The following CARD6 variants were observed in gnomAD, a reference collection of about 807,000 sequenced individuals.
CARD6 encodes the protein caspase recruitment domain-containing protein 6.
In CARD6, 27 loss-of-function variants were observed where a neutral mutation model predicts 23.6. That is an observed-to-expected ratio of 1.14 (90% CI 0.84 to 1.58). The LOEUF is 1.58. Ranked by LOEUF, CARD6 falls within the 40% of genes most tolerant of loss-of-function variation. The pLI, the probability that CARD6 is intolerant of heterozygous loss-of-function variation, is 0.00. For synonymous variants in CARD6, 397 were observed against 431.8 expected, an observed-to-expected ratio of 0.92 and a Z score of 1.00; for missense variants, 1,214 against 1,209.9, an observed-to-expected ratio of 1.00 and a Z score of -0.05.
intron 2 of CARD6, among the ~76,000 whole-genome samples, chr5:40,844,058 C>T (rs2112168143): frequency 6.6e-6 from 1 of 152,150 alleles, no homozygotes; most frequent in South Asian, 2.1e-4. Context: ...CAGGTTAAAC[C>T]ACTTTAGTTA....
In CARD6 at chr5:40,841,678, T is replaced by C. The variant is rs201139084; in HGVS notation, c.283+13T>C. 31 of 1,600,744 alleles carry C rather than the reference T, an allele frequency of 1.9e-5. No individual in the cohort carries two copies. Among genetic ancestry groups the C allele is most frequent in the Non-Finnish European group, 2.4e-5 (28 of 1,172,378 alleles). ...GGCTTAAGGCATGGTAAGTTGACTT[T>C]GTATACTTTTTGGGGTGAGAGGAAG... On this transcript the variant is annotated intron_variant, in intron 1 of 2. Coordinates refer to ENST00000254691, the MANE Select transcript of CARD6 (RefSeq NM_032587.4).
At chr5:40,850,273 G>T (rs1490980426) in intron 2 of CARD6, among the ~76,000 whole-genome samples, 1 of 151,686 alleles carries the variant, frequency 6.6e-6, no homozygotes, top group African/African-American at 2.4e-5. Flanking sequence ...AATTAGCCAG[G>T]TGTGGTGGCA....
Position 40,853,742 on chromosome 5 carries a change from A to C in CARD6, c.2410A>C (p.Arg804=), listed in dbSNP as rs1561217092. The change falls in exon 3 of 3, where the codon AGA becomes CGA. Residue 804 remains arginine, a synonymous_variant. Coordinates refer to ENST00000254691, the MANE Select transcript of CARD6 (RefSeq NM_032587.4). ...YSGERFMKFS[R]VARGCHSNGT... The stretch of plus-strand genomic sequence containing the variant: ...AGGTGAAAGATTCATGAAATTTTCC[A>C]GAGTTGCTCGGGGATGTCACTCGAA... The C allele has an allele frequency of 3.1e-6, 5 of 1,614,218 alleles. No homozygotes were observed. The highest frequency in any genetic ancestry group is 4.2e-6 in the Non-Finnish European group (5 of 1,180,042).
intron 2 of CARD6, among the ~76,000 whole-genome samples, chr5:40,850,583 G>A (rs1746047107): frequency 6.7e-6 from 1 of 149,564 alleles, no homozygotes; most frequent in South Asian, 2.1e-4. Context: ...TTAGCTGGGT[G>A]TGACGGCGGG....
chr5:40,846,478 AC>A (rs932034680), intron 2 of CARD6, among the ~76,000 whole-genome samples: 2 of 152,110 alleles, frequency 1.3e-5, no homozygotes, highest in African/African-American at 4.8e-5. Flanking sequence ...GTAACAAAGT[AC>A]CACAAATGAG....
intron 2 of CARD6, among the ~76,000 whole-genome samples, chr5:40,851,910 G>A (rs562721084): frequency 1.3e-5 from 2 of 151,670 alleles, no homozygotes; most frequent in African/African-American, 2.4e-5. Context: ...TGGGAGTTTC[G>A]CTTGAGATCA....
chr5:40,854,716 G>A lies in CARD6; in HGVS notation c.*270G>A. Reference sequence around the variant, plus strand: ...AGTGATTCTCCTGCCTCAGCCTCTCGAGTAGCTGGGATTACAGGCATGCAC... The same window carrying A: ...AGTGATTCTCCTGCCTCAGCCTCTCAAGTAGCTGGGATTACAGGCATGCAC... On this transcript the variant is annotated 3_prime_UTR_variant, in exon 3 of 3. Transcript: ENST00000254691. 2.8e-6 allele frequency: 1 copy of A among 351,528 alleles called. No individual in the cohort carries two copies. Among genetic ancestry groups the A allele is most frequent in the East Asian group, 5.7e-5 (1 of 17,520 alleles). 21.8% of individuals were successfully genotyped at this position (351,528 alleles called of 1,614,324 possible).
Position 40,843,473 on chromosome 5 carries a change from AGC to A in CARD6, c.606_607del (p.Glu202AspfsTer3). The A allele has an allele frequency of 6.2e-7, 1 of 1,612,232 alleles. No individual in the cohort carries two copies. The highest frequency in any genetic ancestry group is 8.5e-7 in the Non-Finnish European group (1 of 1,179,494). ...ATAAAAGATGGACAGAGATATGAGG[AGC>A]TAGATGATTCTTTATACTTAGGAAA... On this transcript the variant is annotated frameshift_variant, in exon 2 of 3. Transcript: ENST00000254691. LOFTEE classifies it high-confidence loss of function.
rs761229656 is a variant in CARD6 at position 40,843,450 on chromosome 5, A to G, written c.582A>G (p.Ile194Met). The G allele has an allele frequency of 1.2e-6, 2 of 1,613,752 alleles. No individual in the cohort carries two copies. The highest frequency in any genetic ancestry group is 2.2e-5 in the East Asian group (1 of 44,880). The change falls in exon 2 of 3, where the codon ATA becomes ATG. Residue 194 changes from isoleucine (I) to methionine (M), a missense_variant. Transcript: ENST00000254691. ...GCEVPATITY[I>M]KDGQRYEELD... Reference sequence around the variant, plus strand: ...AAGTTCCAGCAACTATTACATATATAAAAGATGGACAGAGATATGAGGAGC... The same window carrying G: ...AAGTTCCAGCAACTATTACATATATGAAAGATGGACAGAGATATGAGGAGC...
rs188934 is a variant in CARD6, at chr5:40,852,349, G to A, written c.1017G>A (p.Thr339=). 26 of 1,613,972 alleles carry A rather than the reference G, an allele frequency of 1.6e-5. No individual in the cohort carries two copies. The African/African-American group carries it at 1.7e-4, about 11-fold the overall frequency. ...TGAAAGTTCAAGCACGAGATGTGACGGCTAGGGATTCAATCCTCAGTCACA... is the reference window on the plus strand; with the variant it reads ...TGAAAGTTCAAGCACGAGATGTGACAGCTAGGGATTCAATCCTCAGTCACA... ...FLMKVQARDV[T]ARDSILSHKV... The change falls in exon 3 of 3, where the codon ACG becomes ACA. Residue 339 remains threonine (T), a synonymous_variant. Transcript: ENST00000254691.
At chr5:40,841,783 A>G in intron 1 of CARD6, 118 bp downstream of exon 1, 1 of 863,350 alleles carries the variant, frequency 1.2e-6, no homozygotes, top group Non-Finnish European at 1.7e-6. Flanking sequence ...TCTGGAGATA[A>G]TTTTCATTGA....
At position 40,852,364 on chromosome 5, in the gene CARD6, C is replaced by T; in HGVS notation, c.1032C>T (p.Ile344=). The T allele has an allele frequency of 1.2e-6, 2 of 1,614,062 alleles. No individual in the cohort carries two copies. The highest frequency in any genetic ancestry group is 1.7e-6 in the Non-Finnish European group (2 of 1,180,000). The part of the protein sequence containing the change: ...QARDVTARDS[I]LSHKVLDEDS... The stretch of plus-strand genomic sequence containing the variant: ...GAGATGTGACGGCTAGGGATTCAAT[C>T]CTCAGTCACAAGGTTCTGGATGAAG... The change falls in exon 3 of 3, where the codon ATC becomes ATT. Residue 344 remains isoleucine, a synonymous_variant. Transcript: ENST00000254691.
chr5:40,846,404 A>C (rs182542837), intron 2 of CARD6, among the ~76,000 whole-genome samples: 1 of 152,168 alleles, frequency 6.6e-6, no homozygotes, highest in Admixed American at 6.5e-5. Flanking sequence ...AGGCCTTTTG[A>C]GTCTTAGCTT....
chr5:40,847,633 A>G (rs1745987874), intron 2 of CARD6, among the ~76,000 whole-genome samples: 2 of 152,092 alleles, frequency 1.3e-5, no homozygotes, highest in Non-Finnish European at 2.9e-5. Flanking sequence ...TTTGCCTTTA[A>G]CATGTTATGG....
chr5:40,854,772 T>C lies in CARD6; in HGVS notation c.*326T>C, dbSNP rs10050965. On this transcript the variant is annotated 3_prime_UTR_variant, in exon 3 of 3. Transcript: ENST00000254691. ...CACCCAGCTAATTTTGTATTTTTAG[T>C]AGAGGCAGGGTTTCTCCATGTTGGT... The C allele has an allele frequency of 0.018, 4,405 of 247,794 alleles. 211 individuals carry two copies. The highest frequency in any genetic ancestry group is 0.091 in the African/African-American group (4,068 of 44,766). The allele number at this position is 247,794 out of a possible 1,614,324, so 15.3% of individuals were successfully genotyped here.
chr5:40,844,728 G>A (rs1290870932), intron 2 of CARD6, among the ~76,000 whole-genome samples: 1 of 152,116 alleles, frequency 6.6e-6, no homozygotes, highest in Non-Finnish European at 1.5e-5. Flanking sequence ...ATCACACCTT[G>A]TATCAGTTTG....
intron 1 of CARD6, among the ~76,000 whole-genome samples, chr5:40,842,049 A>G (rs1745872557): frequency 6.6e-6 from 1 of 152,246 alleles, no homozygotes; most frequent in South Asian, 2.1e-4. Context: ...CAAGACCACA[A>G]GCTGTATCTT....
rs777972474 is a variant in CARD6 at position 40,852,176 on chromosome 5, A to G, written c.844A>G (p.Arg282Gly). The stretch of plus-strand genomic sequence containing the variant: ...CACTATTATCTTCTCTCCTACAGAA[A>G]GAAAAAAGGTGTTTAAAGATGTCCT... ...EEEQEKSIEE[R>G]KKVFKDVLLC... Residue 282 changes from arginine (R) to glycine (G), a missense_variant and splice_region_variant, in exon 3 of 3, where the codon AGA (arginine) becomes GGA (glycine). Coordinates refer to ENST00000254691, the MANE Select transcript of CARD6 (RefSeq NM_032587.4). 5.7e-6 allele frequency: 9 copies of G among 1,589,390 alleles called. No individual in the cohort carries two copies. The highest frequency in any genetic ancestry group is 7.7e-6 in the Non-Finnish European group (9 of 1,164,778).
rs1396003445 is a variant in CARD6, at chr5:40,852,178, A to C, written c.846A>C (p.Arg282Ser). 6.3e-7 allele frequency: 1 copy of C among 1,591,918 alleles called. No homozygotes were observed. Among genetic ancestry groups the C allele is most frequent in the Non-Finnish European group, 8.6e-7 (1 of 1,165,534 alleles). Reference protein sequence around the residue: ...EEEQEKSIEERKKVFKDVLLC... With the variant: ...EEEQEKSIEESKKVFKDVLLC... ...CTATTATCTTCTCTCCTACAGAAAG[A>C]AAAAAGGTGTTTAAAGATGTCCTGT... Residue 282 changes from arginine (R) to serine (S), a missense_variant, in exon 3 of 3, where the codon AGA (arginine) becomes AGC (serine). Arg to Ser is a moderately radical substitution (Grantham distance 110). Transcript: ENST00000254691.
Sources: gnomAD v4.1 joint callset for allele counts (sites outside exome capture counted in the v4.1 genomes callset) on GRCh38, gnomAD v4.1.1 for gene constraint, MANE v1.5 for transcripts, NCBI Gene and HGNC (gene_info 2026-07-23, HGNC 2026-07-21) for gene names.